The following NSUN6 variants were observed in gnomAD, a reference collection of about 807,000 sequenced individuals.
NSUN6 encodes the protein NOP2/Sun RNA methyltransferase 6, also known as tRNA (cytosine(72)-C(5))-methyltransferase NSUN6.
NSUN6 carries 64 observed loss-of-function variants against 58.0 expected under a neutral mutation model. That is an observed-to-expected ratio of 1.10 (90% CI 0.90 to 1.36). NSUN6 has a LOEUF of 1.36. Among genes scored for constraint, NSUN6 ranks in the 40% most tolerant of loss-of-function variants. The pLI is 0.00. For missense variants in NSUN6, 701 were observed against 550.1 expected (o/e 1.27, Z -2.74); for synonymous variants, 231 against 193.9 (o/e 1.19, Z -1.59).
intron 6 of NSUN6, among the ~76,000 whole-genome samples, chr10:18,606,436 G>T (rs953089609): frequency 1.3e-5 from 2 of 152,152 alleles, no homozygotes; most frequent in East Asian, 1.9e-4. Flanking sequence ...TGCAGTGTGG[G>T]ATCCTGGATC....
Position 18,614,403 on chromosome 10 carries a change from A to G in NSUN6, c.575+57T>C, listed in dbSNP as rs2058339211. The G allele has an allele frequency of 4.6e-6, 5 of 1,097,476 alleles. No homozygotes were observed. In the Admixed American group the frequency reaches 1.5e-4, roughly 32 times the overall value. 68.0% of individuals were successfully genotyped at this position (1,097,476 alleles called of 1,614,324 possible). A position where few individuals can be genotyped will look rare whatever the true frequency, so the allele number is the denominator to read the frequency against. ...ACTAGATACATTTTACATTATTTTT[A>G]ATTTTCATTGACCCACAAAAAGGAT... On this transcript the variant is annotated intron_variant, in intron 5 of 10. Coordinates refer to ENST00000377304, the MANE Select transcript of NSUN6 (RefSeq NM_182543.5).
At chr10:18,621,856 C>T (rs1238156565) in intron 3 of NSUN6, among the ~76,000 whole-genome samples, 2 of 152,164 alleles carry the variant, frequency 1.3e-5, no homozygotes, top group African/African-American at 4.8e-5. Flanking sequence ...ACTAACAACC[C>T]TACACCAAAT....
At chr10:18,615,784 G>C (rs1159179031) in intron 4 of NSUN6, among the ~76,000 whole-genome samples, 1 of 152,108 alleles carries the variant, frequency 6.6e-6, no homozygotes, top group Non-Finnish European at 1.5e-5. Flanking sequence ...TCGCCAACTG[G>C]GTGAATACAT....
intron 6 of NSUN6, among the ~76,000 whole-genome samples, chr10:18,598,343 T>C (rs569123598): frequency 1.4e-4 from 21 of 152,270 alleles, no homozygotes; most frequent in Non-Finnish European, 2.2e-4. Flanking sequence ...ACAGCCTTGC[T>C]GCTCACACAA....
At chr10:18,594,377 G>C (rs566387755) in intron 7 of NSUN6, among the ~76,000 whole-genome samples, 22 of 151,994 alleles carry the variant, frequency 1.4e-4, no homozygotes, top group African/African-American at 5.1e-4. Context: ...CTACAATGCA[G>C]ACAATTTGTA....
At position 18,596,264 on chromosome 10, in the gene NSUN6, A is replaced by T; in HGVS notation, c.721T>A (p.Leu241Met). 6.2e-7 allele frequency: 1 copy of T among 1,607,836 alleles called. No individual in the cohort carries two copies. Among genetic ancestry groups the T allele is most frequent in the South Asian group, 1.1e-5 (1 of 90,946 alleles). ...GTTTTCCCTCCAGGTGCTGCACACAAGTCTAGAATCTTCTCTCCAGGTTGA... is the reference window on the plus strand; with the variant it reads ...GTTTTCCCTCCAGGTGCTGCACACATGTCTAGAATCTTCTCTCCAGGTTGA... ...NPQPGEKILD[L>M]CAAPGGKTTH... Residue 241 changes from leucine (L) to methionine (M), a missense_variant, in exon 7 of 11, where the codon TTG becomes ATG. Leu to Met is a conservative substitution (Grantham distance 15). Transcript: ENST00000377304.
At chr10:18,597,672 A>G (rs2057644949) in intron 6 of NSUN6, among the ~76,000 whole-genome samples, 1 of 152,228 alleles carries the variant, frequency 6.6e-6, no homozygotes, top group African/African-American at 2.4e-5. Flanking sequence ...AGGCTGAGGC[A>G]GGAGAATCAC....
At chr10:18,558,996 G>T (rs926188887) in intron 8 of NSUN6, among the ~76,000 whole-genome samples, 3 of 151,448 alleles carry the variant, frequency 2.0e-5, no homozygotes, top group South Asian at 2.1e-4. Context: ...GAATGCAATG[G>T]AATGGAAAAT....
intron 2 of NSUN6, among the ~76,000 whole-genome samples, chr10:18,647,991 A>T (rs2059598492): frequency 6.6e-6 from 1 of 152,114 alleles, no homozygotes; most frequent in Non-Finnish European, 1.5e-5. Flanking sequence ...CACCTGCTTC[A>T]GCCTCCCAAA....
Position 18,576,162 on chromosome 10 carries a change from C to T in NSUN6, c.922+9787G>A, listed in dbSNP as rs139271284. On this transcript the variant is annotated intron_variant, in intron 8 of 10. Coordinates refer to ENST00000377304, the MANE Select transcript of NSUN6 (RefSeq NM_182543.5). Reference sequence around the variant, plus strand: ...AAGAATTTAACTCTTTGATCTATTACTCTTTCTTCTTTCCTTGCTCTATTG... The same window carrying T: ...AAGAATTTAACTCTTTGATCTATTATTCTTTCTTCTTTCCTTGCTCTATTG... 2.3e-3 allele frequency among the ~76,000 whole-genome samples: 344 copies of T among 152,244 alleles called. 2 individuals carry two copies. The highest frequency in any genetic ancestry group is 7.6e-3 in the African/African-American group (315 of 41,530).
chr10:18,564,180 ACCATT>A (rs992110415), intron 8 of NSUN6, among the ~76,000 whole-genome samples: 1 of 143,716 alleles, frequency 7.0e-6, no homozygotes, highest in African/African-American at 2.5e-5. Context: ...TCCATTCCAT[ACCATT>A]CCATTCCATT....
At chr10:18,613,538 G>A (rs2058308697) in intron 5 of NSUN6, among the ~76,000 whole-genome samples, 2 of 152,148 alleles carry the variant, frequency 1.3e-5, no homozygotes, top group Non-Finnish European at 2.9e-5. Flanking sequence ...CATTAACAAT[G>A]AACTAATGGA....
At position 18,648,490 on chromosome 10, in the gene NSUN6, C is replaced by G. The variant is rs776204312; in HGVS notation, c.231G>C (p.Lys77Asn). Residue 77 changes from lysine to asparagine, a missense_variant and splice_region_variant, in exon 2 of 11, where the codon AAG becomes AAC. Transcript: ENST00000377304. ...CAAATGACAGAAAATTTCCACAAACCTTCTGAAGTTCATCAAGTAACAGAT... is the reference window on the plus strand; with the variant it reads ...CAAATGACAGAAAATTTCCACAAACGTTCTGAAGTTCATCAAGTAACAGAT... ...VKNLLLDELQKQFNGLSVPIL... is the reference protein window; with the variant it reads ...VKNLLLDELQNQFNGLSVPIL... 6.3e-7 allele frequency: 1 copy of G among 1,589,738 alleles called. No individual in the cohort carries two copies. The highest frequency in any genetic ancestry group is 8.6e-7 in the Non-Finnish European group (1 of 1,163,748).
intron 8 of NSUN6, among the ~76,000 whole-genome samples, chr10:18,582,518 C>G (rs2056950645): frequency 6.6e-6 from 1 of 152,184 alleles, no homozygotes; most frequent in Non-Finnish European, 1.5e-5. Context: ...AGGTATGAGA[C>G]AGCGAGAAGA....
At chr10:18,580,075 T>C (rs1447477135) in intron 8 of NSUN6, among the ~76,000 whole-genome samples, 8 of 152,176 alleles carry the variant, frequency 5.3e-5, no homozygotes, top group Non-Finnish European at 8.8e-5. Flanking sequence ...GGAACAATTT[T>C]GTGTTAAATG....
At chr10:18,584,147 G>A (rs1164171053) in intron 8 of NSUN6, among the ~76,000 whole-genome samples, 1 of 152,172 alleles carries the variant, frequency 6.6e-6, no homozygotes, top group Non-Finnish European at 1.5e-5. Context: ...GTGGGGAGTA[G>A]GGGGCACTTT....
intron 10 of NSUN6, among the ~76,000 whole-genome samples, chr10:18,547,029 CT>C (rs1564694052): frequency 6.6e-6 from 1 of 152,074 alleles, no homozygotes. Context: ...GAAAGGTGGT[CT>C]TTGGGCATCT....
chr10:18,594,767 G>A (rs1172875695), intron 7 of NSUN6, among the ~76,000 whole-genome samples: 1 of 152,116 alleles, frequency 6.6e-6, no homozygotes, highest in Admixed American at 6.6e-5. Context: ...TGCCTACATA[G>A]CCTCAATTCT....
chr10:18,592,920 G>C (rs1467880126), intron 7 of NSUN6, among the ~76,000 whole-genome samples: 2 of 152,058 alleles, frequency 1.3e-5, no homozygotes, highest in South Asian at 2.1e-4. Flanking sequence ...GGAGTGAACA[G>C]GCAACCTACA....
Sources: allele counts gnomAD v4.1 joint callset (sites outside exome capture counted in the v4.1 genomes callset), GRCh38; gene constraint gnomAD v4.1.1; transcripts MANE v1.5; gene names NCBI Gene and HGNC (gene_info 2026-07-23, HGNC 2026-07-21).